Variants in KANK2 observed in about 807,000 individuals in gnomAD.
The protein encoded by KANK2 is KN motif and ankyrin repeat domains 2.
In KANK2, 41 loss-of-function variants were observed where a neutral mutation model predicts 74.6. The observed-to-expected ratio is 0.55, with a 90% CI of 0.43 to 0.71. KANK2 has a LOEUF of 0.71. Among genes scored for constraint, KANK2 ranks in the 30% least tolerant of loss-of-function variants. The probability of loss-of-function intolerance (pLI) is 0.00; values close to 1 mark genes in which losing one functional copy is unlikely to be tolerated. For missense variants in KANK2, 1,148 were observed against 1,196.4 expected (o/e 0.96, Z 0.60); for synonymous variants, 537 against 519.0 (o/e 1.03, Z -0.47).
chr19:11,178,295 G>A (rs776814238), intron 6 of KANK2, 50 bp downstream of exon 6: 2 of 1,145,658 alleles, frequency 1.7e-6, no homozygotes, highest in South Asian at 3.6e-5. Context: ...GTGGATGAAT[G>A]GAGGAGGGGC....
At chr19:11,176,030 C>T (rs1434060095) in intron 7 of KANK2, 41 bp from the exon 8 acceptor site, 1 of 1,505,928 alleles carries the variant, frequency 6.6e-7, no homozygotes, top group Middle Eastern at 1.7e-4. Context: ...GTAAGCCCCG[C>T]TGCGGTGCCT....
At chr19:11,184,615 G>A (rs1467861494) in intron 4 of KANK2, among the ~76,000 whole-genome samples, 1 of 149,152 alleles carries the variant, frequency 6.7e-6, no homozygotes, top group Non-Finnish European at 1.5e-5. Context: ...GTATGTAAGT[G>A]ATTCCGCGTG....
At chr19:11,176,934 A>C in intron 6 of KANK2, 117 bp from the exon 7 acceptor site, 1 of 1,214,320 alleles carries the variant, frequency 8.2e-7, no homozygotes, top group South Asian at 1.8e-5. Flanking sequence ...CCATCTGTTC[A>C]ATGGCAGTAT....
At chr19:11,180,502 A>G (rs1462329032) in intron 4 of KANK2, among the ~76,000 whole-genome samples, 1 of 152,104 alleles carries the variant, frequency 6.6e-6, no homozygotes, top group Non-Finnish European at 1.5e-5. Flanking sequence ...AAAGAGTAAC[A>G]TAGACAGGGC....
intron 4 of KANK2, among the ~76,000 whole-genome samples, chr19:11,186,468 C>T (rs182471979): frequency 1.1e-4 from 16 of 152,214 alleles, no homozygotes; most frequent in Non-Finnish European, 1.5e-4. Context: ...GAGGCCAAGG[C>T]GGGCAGATCA....
intron 10 of KANK2, among the ~76,000 whole-genome samples, chr19:11,172,604 C>G (rs1025043358): frequency 4.6e-5 from 7 of 152,188 alleles, no homozygotes; most frequent in Admixed American, 3.9e-4. Flanking sequence ...TGGCGGTTTC[C>G]TGCAGCCCTG....
chr19:11,183,853 A>C (rs953063910), intron 4 of KANK2, among the ~76,000 whole-genome samples: 1 of 151,858 alleles, frequency 6.6e-6, no homozygotes, highest in South Asian at 2.1e-4. Context: ...GGGTTTCACT[A>C]TGTTGGCAAG....
At chr19:11,186,042 A>G (rs1039805894) in intron 4 of KANK2, among the ~76,000 whole-genome samples, 25 of 152,122 alleles carry the variant, frequency 1.6e-4, no homozygotes, top group African/African-American at 5.6e-4. Flanking sequence ...AAAAACAAAC[A>G]AAACAATGAG....
Position 11,194,473 on chromosome 19 carries a change from A to T in KANK2, c.37+2T>A, listed in dbSNP as rs1217404433. 6.2e-7 allele frequency: 1 copy of T among 1,611,014 alleles called. No individual in the cohort carries two copies. Among genetic ancestry groups the T allele is most frequent in the East Asian group, 2.2e-5 (1 of 44,852 alleles). The stretch of plus-strand genomic sequence containing the variant: ...AGGGCCCTCTTCCCTGAGTCCCCTG[A>T]CCTGGGAAGGGAGCAGGCACGTGCA... On this transcript the variant is annotated splice_donor_variant, in intron 3 of 12. Transcript: ENST00000586659. LOFTEE classifies it high-confidence loss of function.
chr19:11,192,173 T>G (rs1282981988), intron 4 of KANK2, among the ~76,000 whole-genome samples: 1 of 152,212 alleles, frequency 6.6e-6, no homozygotes, highest in Non-Finnish European at 1.5e-5. Flanking sequence ...AGCTCCGAGA[T>G]TGATTCCTGC....
At chr19:11,172,346 T>C (rs2078201586) in intron 10 of KANK2, among the ~76,000 whole-genome samples, 1 of 152,188 alleles carries the variant, frequency 6.6e-6, no homozygotes, top group African/African-American at 2.4e-5. Context: ...TCAATAAAGA[T>C]AAGGCAGGAT....
At chr19:11,188,247 C>T (rs867591491) in intron 4 of KANK2, among the ~76,000 whole-genome samples, 4 of 150,770 alleles carry the variant, frequency 2.7e-5, no homozygotes, top group East Asian at 2.0e-4. Context: ...CTCACTCTGT[C>T]GCCCAGGCTG....
At position 11,175,189 on chromosome 19, in the gene KANK2, G is replaced by C. The variant is rs970781007; in HGVS notation, c.1849-497C>G. ...CGCCTGTAATCCCAGCACTTTGGGA[G>C]GCCAGGGTGAGCGGATCACTTGAGG... On this transcript the variant is annotated intron_variant, in intron 8 of 12. Transcript: ENST00000586659. 2.0e-5 allele frequency among the ~76,000 whole-genome samples: 3 copies of C among 151,938 alleles called. No individual in the cohort carries two copies. In the East Asian group the frequency reaches 5.9e-4, roughly 30 times the overall value.
chr19:11,188,312 G>A (rs966638188), intron 4 of KANK2, among the ~76,000 whole-genome samples: 3 of 151,802 alleles, frequency 2.0e-5, no homozygotes, highest in Admixed American at 1.3e-4. Context: ...CGGTTCAAGC[G>A]ATTCTCCTGT....
chr19:11,191,021 G>A (rs1446636904), intron 4 of KANK2, among the ~76,000 whole-genome samples: 2 of 149,670 alleles, frequency 1.3e-5, no homozygotes, highest in Non-Finnish European at 3.0e-5. Flanking sequence ...GTGAGCCACC[G>A]TGCCCAGCCA....
At chr19:11,173,975 T>C (rs902099552) in intron 9 of KANK2, among the ~76,000 whole-genome samples, 2 of 151,012 alleles carry the variant, frequency 1.3e-5, no homozygotes, top group African/African-American at 4.9e-5. Context: ...GTCTCCTCCA[T>C]CAGCCTGGGA....
In KANK2 at chr19:11,170,941, C is replaced by T. The variant is rs1254856293; in HGVS notation, c.2212-693G>A. On this transcript the variant is annotated intron_variant, in intron 10 of 12. Transcript: ENST00000586659. This position sits in a 1 kb window ranked among gnomAD's most constrained non-coding sequence, Gnocchi z 5.2. ...GGTCCAAGCAACTCTCCTGCCTCAG[C>T]CTCCTGAGTAGCTGAGATTACAGGC... 6.6e-6 allele frequency among the ~76,000 whole-genome samples: 1 copy of T among 152,180 alleles called. No individual in the cohort carries two copies. Among genetic ancestry groups the T allele is most frequent in the East Asian group, 1.9e-4 (1 of 5,194 alleles).
At position 11,178,462 on chromosome 19, in the gene KANK2, A is replaced by G. The variant is rs1393538132; in HGVS notation, c.1418-15T>C. 5 of 1,601,222 alleles carry G rather than the reference A, an allele frequency of 3.1e-6. No homozygotes were observed. Among genetic ancestry groups the G allele is most frequent in the Admixed American group, 3.5e-5 (2 of 57,472 alleles). ...CGGGGGCCCGCCTGGAGGGGAGGAC[A>G]GCGGAGGTGCTGTGAGAGTCCTTCA... On this transcript the variant is annotated splice_polypyrimidine_tract_variant and intron_variant, in intron 5 of 12. Coordinates refer to ENST00000586659, the MANE Select transcript of KANK2 (RefSeq NM_001136191.3).
chr19:11,186,983 T>C (rs542269959), intron 4 of KANK2, among the ~76,000 whole-genome samples: 10 of 151,682 alleles, frequency 6.6e-5, no homozygotes, highest in Non-Finnish European at 5.9e-5. Context: ...GGTAGGTGGG[T>C]GGGGTGGCTC....
Sources: gnomAD v4.1 joint callset for allele counts (sites outside exome capture counted in the v4.1 genomes callset) on GRCh38, gnomAD v4.1.1 for gene constraint, Gnocchi (gnomAD v3.1) non-coding constraint, MANE v1.5 for transcripts, NCBI Gene and HGNC (gene_info 2026-07-23, HGNC 2026-07-21) for gene names.